Variants in ADCY2 observed in about 807,000 individuals in gnomAD.
ADCY2 encodes adenylate cyclase 2.
Under a neutral mutation model 125.2 loss-of-function variants are expected in ADCY2, and 31 were observed. The ratio of observed to expected loss-of-function variants is 0.25; its 90% CI spans 0.19 to 0.33. ADCY2 has a LOEUF of 0.33. Among genes scored for constraint, ADCY2 ranks in the 10% least tolerant of loss-of-function variants. The pLI, the probability that ADCY2 is intolerant of heterozygous loss-of-function variation, is 1.00. For synonymous variants in ADCY2, 512 were observed against 548.4 expected, an observed-to-expected ratio of 0.93 and a Z score of 0.93; for missense variants, 904 against 1,418.2, an observed-to-expected ratio of 0.64 and a Z score of 5.82.
At chr5:7,558,140 C>T (rs532125157) in intron 3 of ADCY2, among the ~76,000 whole-genome samples, 1 of 152,058 alleles carries the variant, frequency 6.6e-6, no homozygotes, top group African/African-American at 2.4e-5. Context: ...GCAACCCCTG[C>T]CACCCGGGTT....
intron 4 of ADCY2, among the ~76,000 whole-genome samples, chr5:7,640,689 G>A (rs1738670633): frequency 6.6e-6 from 1 of 151,660 alleles, no homozygotes; most frequent in African/African-American, 2.4e-5. Context: ...ATTTAATTGG[G>A]AAATGAACAA....
At chr5:7,533,804 CTTTT>C in intron 3 of ADCY2, among the ~76,000 whole-genome samples, 1 of 152,084 alleles carries the variant, frequency 6.6e-6, no homozygotes, top group East Asian at 1.9e-4. Flanking sequence ...TATGTCCTTT[CTTTT>C]TGTCAATGTG....
At chr5:7,808,051 A>G (rs1561024126) in intron 22 of ADCY2, among the ~76,000 whole-genome samples, 1 of 152,200 alleles carries the variant, frequency 6.6e-6, no homozygotes, top group African/African-American at 2.4e-5. Flanking sequence ...TGATGCTCAC[A>G]GAAGATGCCC....
intron 4 of ADCY2, among the ~76,000 whole-genome samples, chr5:7,667,850 G>A (rs141676310): frequency 2.0e-5 from 3 of 152,100 alleles, no homozygotes; most frequent in East Asian, 1.9e-4. Flanking sequence ...TGCTCACTAC[G>A]ACAGTATCAG....
At position 7,693,110 on chromosome 5, in the gene ADCY2, C is replaced by T. The variant is rs551340298; in HGVS notation, c.869+2271C>T. On this transcript the variant is annotated intron_variant, in intron 5 of 24. Transcript: ENST00000338316. Reference sequence around the variant, plus strand: ...CAATGCTTCCCTCTCCCACACAATGCCCCCCACAACATCAAATTAGTGACA... The same window carrying T: ...CAATGCTTCCCTCTCCCACACAATGTCCCCCACAACATCAAATTAGTGACA... Among the ~76,000 whole-genome samples, 7 of 152,276 alleles carry T rather than the reference C, an allele frequency of 4.6e-5. No homozygotes were observed. The East Asian group carries it at 1.4e-3, about 29-fold the overall frequency.
Position 7,829,393 on chromosome 5 carries a change from T to A in ADCY2, c.*2522T>A, listed in dbSNP as rs773490549. 1 of 152,630 alleles carries A rather than the reference T, an allele frequency of 6.6e-6. No homozygotes were observed. Among genetic ancestry groups the A allele is most frequent in the Non-Finnish European group, 1.5e-5 (1 of 68,028 alleles). The allele number at this position is 152,630 out of a possible 1,614,324, so 9.5% of individuals were successfully genotyped here. On this transcript the variant is annotated 3_prime_UTR_variant, in exon 25 of 25. Transcript: ENST00000338316. Reference sequence around the variant, plus strand: ...ATTAGCAGTTGAGGCCAGGCTAGAATGGAAAACTGCCTGTTCCTTGAATCT... The same window carrying A: ...ATTAGCAGTTGAGGCCAGGCTAGAAAGGAAAACTGCCTGTTCCTTGAATCT...
intron 2 of ADCY2, among the ~76,000 whole-genome samples, chr5:7,520,149 A>G (rs1445427076): frequency 6.6e-6 from 1 of 152,112 alleles, no homozygotes; most frequent in African/African-American, 2.4e-5. Context: ...CGTGTTTTCA[A>G]TTCTATTGGA....
At chr5:7,796,007 A>C (rs542453164) in intron 20 of ADCY2, 1 of 152,356 alleles carries the variant, frequency 6.6e-6, no homozygotes, top group Non-Finnish European at 1.5e-5. Flanking sequence ...CACTTTGTGA[A>C]AGATGCAATA....
At chr5:7,452,845 T>C (rs1438503058) in intron 2 of ADCY2, among the ~76,000 whole-genome samples, 1 of 152,232 alleles carries the variant, frequency 6.6e-6, no homozygotes. Flanking sequence ...AGTTCCCTGA[T>C]GATTAATGAT....
At chr5:7,780,275 G>A (rs1230622427) in intron 18 of ADCY2, among the ~76,000 whole-genome samples, 1 of 152,200 alleles carries the variant, frequency 6.6e-6, no homozygotes, top group Non-Finnish European at 1.5e-5. Context: ...CTGTGATTGA[G>A]GTCCCAATCC....
chr5:7,592,602 A>G (rs571373879), intron 3 of ADCY2, among the ~76,000 whole-genome samples: 152 of 152,318 alleles, frequency 1.0e-3, no homozygotes, highest in African/African-American at 3.5e-3. Context: ...TAAGAAAACT[A>G]TAAGATAAGT....
intron 23 of ADCY2, among the ~76,000 whole-genome samples, chr5:7,819,070 C>CT (rs1305852456): frequency 6.6e-6 from 1 of 152,168 alleles, no homozygotes; most frequent in Non-Finnish European, 1.5e-5. Flanking sequence ...AAGCATCCAG[C>CT]ACAGGAGGAA....
chr5:7,695,366 C>T (rs147569642), intron 5 of ADCY2, among the ~76,000 whole-genome samples: 2 of 152,318 alleles, frequency 1.3e-5, no homozygotes, highest in African/African-American at 4.8e-5. Flanking sequence ...TTCAATACAT[C>T]CTCCCAGCTA....
rs573513219 is a variant in ADCY2 at position 7,712,644 on chromosome 5, T to C, written c.1579-212T>C. Among the ~76,000 whole-genome samples, 3 of 152,356 alleles carry C rather than the reference T, an allele frequency of 2.0e-5. No individual in the cohort carries two copies. The East Asian group carries it at 5.8e-4, about 29-fold the overall frequency. On this transcript the variant is annotated intron_variant, in intron 10 of 24. Transcript: ENST00000338316. ...CCTCATGCTTCTAGCATCCAGAGTT[T>C]AGAGATTACAGCAACATTCCAAAGA...
intron 3 of ADCY2, among the ~76,000 whole-genome samples, chr5:7,569,854 A>C (rs1164551935): frequency 1.3e-5 from 2 of 152,110 alleles, no homozygotes; most frequent in Non-Finnish European, 2.9e-5. Context: ...TTGAATCTCA[A>C]CTTAATTTAG....
rs1560954434 is a variant in ADCY2, at chr5:7,757,713, T to A, written c.2094+127T>A. ...CCCCACACCATAGCTGTGTTCAACA[T>A]GCTCAGCCCCGGGGTGAGTCAGGGC... On this transcript the variant is annotated intron_variant, in intron 16 of 24. Coordinates refer to ENST00000338316, the MANE Select transcript of ADCY2 (RefSeq NM_020546.3). 5 of 1,348,260 alleles carry A rather than the reference T, an allele frequency of 3.7e-6. No individual in the cohort carries two copies. The East Asian group carries it at 1.0e-4, about 28-fold the overall frequency. 83.5% of individuals were successfully genotyped at this position (1,348,260 alleles called of 1,614,324 possible). A position where few individuals can be genotyped will look rare whatever the true frequency, so the allele number is the denominator to read the frequency against.
intron 3 of ADCY2, among the ~76,000 whole-genome samples, chr5:7,624,371 C>T (rs1232110116): frequency 6.6e-6 from 1 of 152,014 alleles, no homozygotes; most frequent in Non-Finnish European, 1.5e-5. Flanking sequence ...GCTGATTATC[C>T]CCTGAGTTTA....
chr5:7,417,496 A>G (rs1047141663), intron 2 of ADCY2, among the ~76,000 whole-genome samples: 1 of 152,228 alleles, frequency 6.6e-6, no homozygotes, highest in African/African-American at 2.4e-5. Context: ...TGAGTGGGGC[A>G]GGACAGAGTG....
intron 14 of ADCY2, among the ~76,000 whole-genome samples, chr5:7,741,361 T>C (rs573610435): frequency 2.7e-4 from 41 of 152,264 alleles, no homozygotes; most frequent in African/African-American, 8.7e-4. Flanking sequence ...TCCCTGTGTA[T>C]CAGTTTCTCT....
Sources: gnomAD v4.1 joint callset for allele counts (sites outside exome capture counted in the v4.1 genomes callset) on GRCh38, gnomAD v4.1.1 for gene constraint, MANE v1.5 for transcripts, NCBI Gene and HGNC (gene_info 2026-07-23, HGNC 2026-07-21) for gene names.